Variants in ANK2 observed in about 807,000 individuals in gnomAD.
The protein encoded by ANK2 is ankyrin-2.
ANK2 carries 83 observed loss-of-function variants against 360.5 expected under a neutral mutation model. The observed-to-expected ratio is 0.23, with a 90% CI of 0.19 to 0.28. The LOEUF (loss-of-function observed/expected upper bound fraction) is 0.28, where lower values mean the gene tolerates loss of function less well. ANK2 is among the 10% of genes least tolerant of loss of function. ANK2 has a pLI of 1.00. For missense variants in ANK2, 4,201 were observed against 4,795.7 expected (o/e 0.88, Z 3.66); for synonymous variants, 1,740 against 1,759.5 (o/e 0.99, Z 0.28).
At chr4:113,255,587 T>A in intron 10 of ANK2, 148 bp from the exon 11 acceptor site, 2 of 747,688 alleles carry the variant, frequency 2.7e-6, no homozygotes, top group East Asian at 2.7e-5. Context: ...CGAAATATAG[T>A]CTGCTGTATA....
the ANK2 span, chr4:112,788,354 A>G: frequency 6.5e-7 from 1 of 1,549,954 alleles, no homozygotes; most frequent in South Asian, 1.1e-5. Flanking sequence ...AGGGACCACC[A>G]TTTTACGACA....
chr4:112,760,955 C>G, the ANK2 span, among the ~76,000 whole-genome samples: 4 of 151,444 alleles, frequency 2.6e-5, no homozygotes, highest in Admixed American at 6.6e-5. Flanking sequence ...TACAGGTGTA[C>G]GCCACCATGC....
chr4:113,100,179 G>C (rs2092581977), intron 1 of ANK2, among the ~76,000 whole-genome samples: 2 of 151,858 alleles, frequency 1.3e-5, no homozygotes. Flanking sequence ...TAAAAGAATA[G>C]AAAGACAAGC....
At chr4:112,866,721 T>C (rs1265433813) in intron 1 of ANK2, among the ~76,000 whole-genome samples, 1 of 152,180 alleles carries the variant, frequency 6.6e-6, no homozygotes, top group Non-Finnish European at 1.5e-5. Context: ...TTTGCAATGC[T>C]ACTGATGTGA....
the ANK2 span, among the ~76,000 whole-genome samples, chr4:112,713,351 C>T: frequency 9.2e-5 from 14 of 152,290 alleles, no homozygotes; most frequent in South Asian, 2.1e-3. Context: ...GGGCAGATCA[C>T]CGGAGGTCGG....
Position 112,822,413 on chromosome 4 carries a change from G to A in ANK2, c.-40+4149G>A, listed in dbSNP as rs1488192978. Among the ~76,000 whole-genome samples the A allele has an allele frequency of 2.5e-4, 34 of 136,628 alleles. 1 individual carries two copies. Among genetic ancestry groups the A allele is most frequent in the Admixed American group, 2.9e-4 (4 of 13,570 alleles). The allele number at this position is 136,628 out of a possible 152,430, so 89.6% of individuals were successfully genotyped here. ...AGCCTGGGCGACAGAGCGAGATTCC[G>A]TCTCAAAAAAAAAAAAAAAGAAAAA... On this transcript the variant is annotated intron_variant, in intron 1 of 30. Transcript: ENST00000503271.
At chr4:112,784,294 C>T in the ANK2 span, among the ~76,000 whole-genome samples, 1 of 151,334 alleles carries the variant, frequency 6.6e-6, no homozygotes. Flanking sequence ...AATCGATCCT[C>T]CCACCTCAGC....
At chr4:112,967,012 C>G (rs575519479) in intron 2 of ANK2, among the ~76,000 whole-genome samples, 17 of 152,226 alleles carry the variant, frequency 1.1e-4, no homozygotes, top group African/African-American at 4.1e-4. Flanking sequence ...CCTTAGGACA[C>G]ATTAAGCAGT....
the ANK2 span, among the ~76,000 whole-genome samples, chr4:112,809,429 CA>C: frequency 6.3e-4 from 95 of 151,514 alleles, no homozygotes; most frequent in Non-Finnish European, 1.2e-3. Context: ...GGCATGGTGG[CA>C]GGTGCCTGTA....
At chr4:113,278,686 T>C in intron 17 of ANK2, 128 bp downstream of exon 17, 1 of 892,744 alleles carries the variant, frequency 1.1e-6, no homozygotes. Context: ...GCTTTTGGTA[T>C]TGACACCCTT....
the ANK2 span, among the ~76,000 whole-genome samples, chr4:112,775,800 G>C: frequency 6.6e-6 from 1 of 152,144 alleles, no homozygotes; most frequent in Non-Finnish European, 1.5e-5. Context: ...AGGTATATAG[G>C]TTTGAGTAGT....
intron 1 of ANK2, among the ~76,000 whole-genome samples, chr4:112,856,779 G>A (rs2066529326): frequency 6.6e-6 from 1 of 152,228 alleles, no homozygotes; most frequent in Admixed American, 6.5e-5. Context: ...TTGCTAGAAT[G>A]GTAAGGAAAG....
the ANK2 span, among the ~76,000 whole-genome samples, chr4:112,779,003 T>C: frequency 9.2e-5 from 14 of 152,296 alleles, no homozygotes; most frequent in Non-Finnish European, 1.5e-4. Flanking sequence ...TGTCAGGAAT[T>C]GAAGTTTGTC....
intron 2 of ANK2, among the ~76,000 whole-genome samples, chr4:113,013,908 A>AT (rs34483947): frequency 0.57 from 86,251 of 150,522 alleles, 25,942 homozygotes; most frequent in Non-Finnish European, 0.69. Flanking sequence ...TAAAATCAGC[A>AT]TTTTTTTTTT....
intron 24 of ANK2, among the ~76,000 whole-genome samples, chr4:113,316,385 C>T (rs931693718): frequency 1.2e-4 from 19 of 152,174 alleles, no homozygotes; most frequent in Admixed American, 1.1e-3. Context: ...CTATGAATTA[C>T]CTACAAAGTG....
intron 8 of ANK2, 66 bp from the exon 9 acceptor site, chr4:113,242,045 C>A: frequency 7.7e-7 from 1 of 1,303,430 alleles, no homozygotes; most frequent in Non-Finnish European, 1.1e-6. Context: ...TGGCCTTTAA[C>A]ACAAAGGCAT....
intron 2 of ANK2, among the ~76,000 whole-genome samples, chr4:112,956,956 CGTT>C (rs1199833339): frequency 1.4e-5 from 2 of 147,614 alleles, no homozygotes; most frequent in Non-Finnish European, 3.0e-5. Context: ...TTTTTATTGA[CGTT>C]GTCTCTTAAA....
chr4:113,315,883 C>T (rs374075241), intron 24 of ANK2, among the ~76,000 whole-genome samples: 87 of 121,666 alleles, frequency 7.2e-4, no homozygotes, highest in African/African-American at 2.0e-3. Flanking sequence ...GGTGACAGAG[C>T]GAGACTCCGT....
intron 4 of ANK2, among the ~76,000 whole-genome samples, chr4:113,224,384 T>C (rs2099189476): frequency 6.6e-6 from 1 of 152,230 alleles, no homozygotes; most frequent in Non-Finnish European, 1.5e-5. Context: ...GTAACACTTA[T>C]GTCGAGGCCT....
Sources: allele counts gnomAD v4.1 joint callset (sites outside exome capture counted in the v4.1 genomes callset), GRCh38; gene constraint gnomAD v4.1.1; transcripts MANE v1.5; gene names NCBI Gene and HGNC (gene_info 2026-07-23, HGNC 2026-07-21).